Variants in FHIT observed in about 807,000 individuals in gnomAD.
FHIT encodes fragile histidine triad diadenosine triphosphatase.
Under a neutral mutation model 17.9 loss-of-function variants are expected in FHIT, and 19 were observed. The observed-to-expected ratio is 1.06, with a 90% CI of 0.74 to 1.56. The LOEUF is 1.56. FHIT is among the 40% of genes most tolerant of loss of function. The pLI, the probability that FHIT is intolerant of heterozygous loss-of-function variation, is 0.00. For missense variants in FHIT, 248 were observed against 189.2 expected (o/e 1.31, Z -1.82); for synonymous variants, 81 against 69.7 (o/e 1.16, Z -0.81).
chr3:61,190,890 A>G (rs1283921864), intron 2 of FHIT, among the ~76,000 whole-genome samples: 1 of 137,884 alleles, frequency 7.3e-6, no homozygotes, highest in Non-Finnish European at 1.5e-5. Context: ...ATGAGAACAC[A>G]TGGACACAGG....
rs138980344 is a variant in FHIT, at chr3:60,294,613, C to A, written c.103+242247G>T. 1.3e-3 allele frequency among the ~76,000 whole-genome samples: 204 copies of A among 152,208 alleles called. 1 individual carries two copies. The highest frequency in any genetic ancestry group is 4.6e-3 in the African/African-American group (192 of 41,544). On this transcript the variant is annotated intron_variant, in intron 5 of 9. Transcript: ENST00000492590. ...TAAATTACTTACCTGTGTTTTTCCC[C>A]CACCATACAGAACATTACCATTCGC...
chr3:59,868,960 T>C (rs1021443196), intron 8 of FHIT, among the ~76,000 whole-genome samples: 3 of 152,136 alleles, frequency 2.0e-5, no homozygotes, highest in African/African-American at 4.8e-5. Flanking sequence ...CAAGGGACAG[T>C]GTAGCTTAAT....
chr3:59,973,221 A>G (rs1216238083), intron 7 of FHIT, among the ~76,000 whole-genome samples: 1 of 152,094 alleles, frequency 6.6e-6, no homozygotes. Flanking sequence ...TCCTAACCGT[A>G]TAGTGACGCT....
At chr3:60,881,253 T>C (rs1399910178) in intron 3 of FHIT, among the ~76,000 whole-genome samples, 1 of 152,190 alleles carries the variant, frequency 6.6e-6, no homozygotes, top group Non-Finnish European at 1.5e-5. Context: ...GCTACAACAG[T>C]TATATATGCA....
At chr3:60,435,004 T>C (rs1221272274) in intron 5 of FHIT, among the ~76,000 whole-genome samples, 3 of 152,150 alleles carry the variant, frequency 2.0e-5, no homozygotes, top group Admixed American at 6.6e-5. Context: ...TTATTTTACA[T>C]TGTCTCCAAA....
chr3:60,031,119 A>C (rs1700980641), intron 5 of FHIT, among the ~76,000 whole-genome samples: 1 of 152,236 alleles, frequency 6.6e-6, no homozygotes, highest in Admixed American at 6.5e-5. Context: ...TGTAGAGAAT[A>C]AGCTCAAGAA....
intron 5 of FHIT, among the ~76,000 whole-genome samples, chr3:60,306,314 T>C (rs190368101): frequency 2.4e-4 from 36 of 152,276 alleles, no homozygotes; most frequent in African/African-American, 8.7e-4. Flanking sequence ...CCTAAGTCAA[T>C]ACATCCCGCA....
chr3:59,912,012 A>G (rs1704902972), intron 8 of FHIT, among the ~76,000 whole-genome samples: 1 of 152,248 alleles, frequency 6.6e-6, no homozygotes, highest in African/African-American at 2.4e-5. Flanking sequence ...CAGCCTAAGT[A>G]TGAATCTCAG....
chr3:61,054,382 G>A (rs1362591135), intron 2 of FHIT, among the ~76,000 whole-genome samples: 2 of 151,160 alleles, frequency 1.3e-5, no homozygotes, highest in Non-Finnish European at 2.9e-5. Flanking sequence ...CAGAAAAAAA[G>A]GCATCTGTGA....
intron 4 of FHIT, among the ~76,000 whole-genome samples, chr3:60,573,125 A>C (rs2037444260): frequency 6.6e-6 from 1 of 152,120 alleles, no homozygotes; most frequent in African/African-American, 2.4e-5. Flanking sequence ...GCTTTTTGCT[A>C]GAAAGCCTGG....
At chr3:60,552,010 C>T (rs2036576168) in intron 4 of FHIT, among the ~76,000 whole-genome samples, 1 of 151,948 alleles carries the variant, frequency 6.6e-6, no homozygotes, top group South Asian at 2.1e-4. Flanking sequence ...AGCCCACAGC[C>T]CCTGGCAACT....
chr3:60,152,337 T>G (rs1700503224), intron 5 of FHIT, among the ~76,000 whole-genome samples: 1 of 152,200 alleles, frequency 6.6e-6, no homozygotes, highest in African/African-American at 2.4e-5. Context: ...CTTCAACAAC[T>G]TGACTACATT....
intron 4 of FHIT, among the ~76,000 whole-genome samples, chr3:60,592,172 T>C (rs1430373491): frequency 6.8e-6 from 1 of 147,368 alleles, no homozygotes; most frequent in Admixed American, 6.8e-5. Flanking sequence ...TATATATTAT[T>C]ATATATATAT....
chr3:60,351,828 G>A (rs1046228235), intron 5 of FHIT, among the ~76,000 whole-genome samples: 2 of 151,994 alleles, frequency 1.3e-5, no homozygotes, highest in Admixed American at 1.3e-4. Flanking sequence ...ATCACTTATA[G>A]ACCCATGCAG....
chr3:60,459,677 A>G (rs193067690), intron 5 of FHIT, among the ~76,000 whole-genome samples: 97 of 152,322 alleles, frequency 6.4e-4, no homozygotes, highest in African/African-American at 2.2e-3. Flanking sequence ...CTCTCCTTCA[A>G]TGCTTTTCAC....
chr3:60,112,940 G>A (rs960834206), intron 5 of FHIT, among the ~76,000 whole-genome samples: 4 of 152,184 alleles, frequency 2.6e-5, no homozygotes, highest in Non-Finnish European at 5.9e-5. Context: ...GAATACCACT[G>A]ACCATGGAAT....
At chr3:60,452,979 T>A (rs992949775) in intron 5 of FHIT, among the ~76,000 whole-genome samples, 7 of 152,182 alleles carry the variant, frequency 4.6e-5, no homozygotes, top group African/African-American at 1.7e-4. Context: ...CACGAATGAT[T>A]TGCAACAGCA....
At chr3:60,038,943 C>T (rs1701329074) in intron 5 of FHIT, among the ~76,000 whole-genome samples, 1 of 152,130 alleles carries the variant, frequency 6.6e-6, no homozygotes, top group Admixed American at 6.5e-5. Context: ...TATGTACTGC[C>T]TCTTATGGTT....
rs540139215 is a variant in FHIT at position 60,450,891 on chromosome 3, T to C, written c.103+85969A>G. ...GAATTATTTAACAGCCAGGTCCATA[T>C]AGAGAATAAATAGTAGACTATTTTT... On this transcript the variant is annotated intron_variant, in intron 5 of 9. Coordinates refer to ENST00000492590, the MANE Select transcript of FHIT (RefSeq NM_002012.4). 2.0e-5 allele frequency among the ~76,000 whole-genome samples: 3 copies of C among 152,306 alleles called. No homozygotes were observed. In the East Asian group the frequency reaches 5.8e-4, roughly 29 times the overall value.
Sources: allele counts gnomAD v4.1 joint callset (sites outside exome capture counted in the v4.1 genomes callset), GRCh38; gene constraint gnomAD v4.1.1; transcripts MANE v1.5; gene names NCBI Gene and HGNC (gene_info 2026-07-23, HGNC 2026-07-21).